Variants in EFCAB6 observed in about 807,000 individuals in gnomAD.
EFCAB6 encodes EF-hand calcium binding domain 6.
Under a neutral mutation model 169.8 loss-of-function variants are expected in EFCAB6, and 156 were observed. That is an observed-to-expected ratio of 0.92 (90% CI 0.81 to 1.05). The LOEUF (loss-of-function observed/expected upper bound fraction) is 1.05, where lower values mean the gene tolerates loss of function less well. EFCAB6 is among the 50% of genes least tolerant of loss of function. EFCAB6 has a pLI of 0.00. For synonymous variants in EFCAB6, 698 were observed against 676.4 expected, an observed-to-expected ratio of 1.03 and a Z score of -0.50; for missense variants, 1,800 against 1,829.1, an observed-to-expected ratio of 0.98 and a Z score of 0.29.
At chr22:43,618,202 G>GT (rs2053860015) in intron 20 of EFCAB6, among the ~76,000 whole-genome samples, 1 of 146,316 alleles carries the variant, frequency 6.8e-6, no homozygotes. Context: ...AAGAAAGAAA[G>GT]AAAGAAAGAA....
intron 27 of EFCAB6, among the ~76,000 whole-genome samples, chr22:43,542,441 G>C (rs1022316400): frequency 6.6e-6 from 1 of 152,298 alleles, no homozygotes; most frequent in Middle Eastern, 3.4e-3. Flanking sequence ...TTAGCTGGGC[G>C]TGGTGGCAGG....
At chr22:43,550,793 T>C (rs1273527728) in intron 27 of EFCAB6, among the ~76,000 whole-genome samples, 1 of 152,182 alleles carries the variant, frequency 6.6e-6, no homozygotes, top group Non-Finnish European at 1.5e-5. Flanking sequence ...AAGAGGCCCT[T>C]GCTGTGGGTC....
intron 8 of EFCAB6, among the ~76,000 whole-genome samples, chr22:43,726,618 A>G (rs566106041): frequency 1.5e-3 from 232 of 152,368 alleles, no homozygotes; most frequent in African/African-American, 5.4e-3. Context: ...AGCTTTAGGA[A>G]TTGGAAAACA....
chr22:43,667,154 C>T lies in EFCAB6; in HGVS notation c.1933G>A (p.Asp645Asn), dbSNP rs371487834. 2 of 1,613,936 alleles carry T rather than the reference C, an allele frequency of 1.2e-6. No individual in the cohort carries two copies. The highest frequency in any genetic ancestry group is 2.2e-5 in the East Asian group (1 of 44,896). The change falls in exon 17 of 32, where the codon GAC (aspartate) becomes AAC (asparagine). Residue 645 changes from aspartate to asparagine, a missense_variant. Physicochemically the swap from Asp to Asn is conservative, Grantham distance 23. Transcript: ENST00000262726. ...QDPAFKKRFLDFSKEPNGKIN... is the reference protein window; with the variant it reads ...QDPAFKKRFLNFSKEPNGKIN... ...TTTCCATTAGGCTCCTTGCTGAAGT[C>T]AAGAAATCGTTTTTTGAATGCCGGG...
chr22:43,785,210 C>A lies in EFCAB6; in HGVS notation c.-7-2885G>T, dbSNP rs572901419. 2.0e-5 allele frequency among the ~76,000 whole-genome samples: 3 copies of A among 152,238 alleles called. No individual in the cohort carries two copies. The East Asian group carries it at 5.8e-4, about 29-fold the overall frequency. ...ACAGACAACTAAAGAACACATCCAA[C>A]CAACAATAGTAGAATATCATTCTTC... On this transcript the variant is annotated intron_variant, in intron 2 of 31. Transcript: ENST00000262726.
In EFCAB6 at chr22:43,735,884, A is replaced by G. The variant is rs766408242; in HGVS notation, c.617T>C (p.Met206Thr). The G allele has an allele frequency of 1.2e-6, 2 of 1,613,906 alleles. No homozygotes were observed. Among genetic ancestry groups the G allele is most frequent in the East Asian group, 2.2e-5 (1 of 44,886 alleles). The change falls in exon 7 of 32, where the codon ATG (methionine) becomes ACG (threonine). Residue 206 changes from methionine to threonine, a missense_variant. Transcript: ENST00000262726. ...ELRRVLETFC[M>T]KLRDEEYEKF... is the part of the protein sequence containing the mutation. ...TTCGTATTCCTCGTCTCTTAACTTC[A>G]TACAGAAGGTCTCCAGAACCCTTCT...
rs1196584282 is a variant in EFCAB6, at chr22:43,632,310, T to TG, written c.2099-73_2099-72insC. On this transcript the variant is annotated intron_variant, in intron 18 of 31. Transcript: ENST00000262726. Reference sequence around the variant, plus strand: ...TCATTCCTTCTTTTTTTTTTTTTTTTTTTTTTGAGACGGAGTCTCGCTCTT... The same window carrying TG: ...TCATTCCTTCTTTTTTTTTTTTTTTTGTTTTTTGAGACGGAGTCTCGCTCTT... The TG allele has an allele frequency of 1.2e-3, 1,649 of 1,320,692 alleles. 3 individuals carry two copies. Among genetic ancestry groups the TG allele is most frequent in the African/African-American group, 0.012 (770 of 63,464 alleles). The allele number at this position is 1,320,692 out of a possible 1,614,324, so 81.8% of individuals were successfully genotyped here. A position where few individuals can be genotyped will look rare whatever the true frequency, so the allele number is the denominator to read the frequency against.
At chr22:43,682,804 T>A (rs1416974275) in intron 12 of EFCAB6, among the ~76,000 whole-genome samples, 1 of 152,212 alleles carries the variant, frequency 6.6e-6, no homozygotes, top group Non-Finnish European at 1.5e-5. Context: ...CTCAACATTA[T>A]TGTTCATTCA....
intron 2 of EFCAB6, among the ~76,000 whole-genome samples, chr22:43,783,105 A>G (rs1483019681): frequency 5.3e-5 from 8 of 152,170 alleles, no homozygotes; most frequent in Admixed American, 2.0e-4. Flanking sequence ...TGTTTCCCTG[A>G]AAGATCCTAC....
chr22:43,593,041 CAG>C (rs1275467942), intron 23 of EFCAB6, among the ~76,000 whole-genome samples: 2 of 150,274 alleles, frequency 1.3e-5, no homozygotes, highest in Admixed American at 6.7e-5. Flanking sequence ...TCAATCTGAT[CAG>C]AGTGTCAGTA....
At chr22:43,618,184 A>AGG in intron 20 of EFCAB6, among the ~76,000 whole-genome samples, 1 of 140,188 alleles carries the variant, frequency 7.1e-6, no homozygotes, top group African/African-American at 2.6e-5. Context: ...GAAAGAAAGA[A>AGG]AGAAAGAAAG....
At chr22:43,596,063 C>A (rs2051978159) in intron 23 of EFCAB6, among the ~76,000 whole-genome samples, 1 of 152,162 alleles carries the variant, frequency 6.6e-6, no homozygotes, top group Non-Finnish European at 1.5e-5. Context: ...TTGATAAAAA[C>A]TCTCCTCACA....
chr22:43,568,760 C>T (rs1368448799), intron 26 of EFCAB6, among the ~76,000 whole-genome samples: 1 of 152,148 alleles, frequency 6.6e-6, no homozygotes, highest in Non-Finnish European at 1.5e-5. Context: ...GAGACCTCAT[C>T]CCTGCCCTTG....
At chr22:43,756,410 A>C (rs2060960437) in intron 5 of EFCAB6, among the ~76,000 whole-genome samples, 1 of 152,110 alleles carries the variant, frequency 6.6e-6, no homozygotes, top group Admixed American at 6.5e-5. Flanking sequence ...TGGTCAATGC[A>C]TCTATACCGT....
Position 43,616,461 on chromosome 22 carries a change from G to C in EFCAB6, c.2466-539C>G, listed in dbSNP as rs181792333. On this transcript the variant is annotated intron_variant, in intron 20 of 31. Transcript: ENST00000262726. ...GTGGATGACTTGAGGTCAGGACTTCGAGATCAGGCTGGCCACCATGGTGAA... is the reference window on the plus strand; with the variant it reads ...GTGGATGACTTGAGGTCAGGACTTCCAGATCAGGCTGGCCACCATGGTGAA... 2.0e-5 allele frequency among the ~76,000 whole-genome samples: 3 copies of C among 152,192 alleles called. No individual in the cohort carries two copies. The South Asian group carries it at 6.2e-4, about 31-fold the overall frequency.
chr22:43,616,492 G>A (rs1006199425), intron 20 of EFCAB6, among the ~76,000 whole-genome samples: 5 of 152,214 alleles, frequency 3.3e-5, no homozygotes, highest in South Asian at 2.1e-4. Flanking sequence ...GTGAAACCCC[G>A]TCTCTACTAA....
chr22:43,733,501 G>A (rs2060025943), intron 7 of EFCAB6, among the ~76,000 whole-genome samples: 1 of 152,148 alleles, frequency 6.6e-6, no homozygotes, highest in Admixed American at 6.5e-5. Flanking sequence ...GGTGGTAATT[G>A]TATCTCTGGC....
intron 17 of EFCAB6, among the ~76,000 whole-genome samples, chr22:43,637,757 T>G (rs2055523006): frequency 6.6e-6 from 1 of 152,196 alleles, no homozygotes; most frequent in Admixed American, 6.5e-5. Context: ...GAGGAGCCTG[T>G]CCCAGCACAG....
At chr22:43,585,242 A>C (rs1436300542) in intron 24 of EFCAB6, among the ~76,000 whole-genome samples, 2 of 152,164 alleles carry the variant, frequency 1.3e-5, no homozygotes, top group Non-Finnish European at 2.9e-5. Flanking sequence ...ACAAGTGGGC[A>C]ATGTAATCAG....
Sources: gnomAD v4.1 joint callset for allele counts (sites outside exome capture counted in the v4.1 genomes callset) on GRCh38, gnomAD v4.1.1 for gene constraint, MANE v1.5 for transcripts, NCBI Gene and HGNC (gene_info 2026-07-23, HGNC 2026-07-21) for gene names.